The following COPE variants were observed in gnomAD, a reference collection of about 807,000 sequenced individuals.
COPE encodes coat protein complex I subunit epsilon, also known as coatomer subunit epsilon.
COPE carries 19 observed loss-of-function variants against 42.1 expected under a neutral mutation model. That is an observed-to-expected ratio of 0.45 (90% confidence interval 0.31 to 0.66). The LOEUF (loss-of-function observed/expected upper bound fraction) is 0.66, where lower values mean the gene tolerates loss of function less well. Ranked by LOEUF, COPE falls within the 30% of genes least tolerant of loss-of-function variation. The probability of loss-of-function intolerance (pLI) is 0.05; values close to 1 mark genes in which losing one functional copy is unlikely to be tolerated. For synonymous variants in COPE, 195 were observed against 181.3 expected (o/e 1.08, Z -0.60); for missense variants, 402 against 416.1 (o/e 0.97, Z 0.30).
chr19:18,916,579 G>A (rs561380397), intron 1 of COPE, among the ~76,000 whole-genome samples: 1 of 151,788 alleles, frequency 6.6e-6, no homozygotes, highest in South Asian at 2.1e-4. Context: ...CATGAGGTCA[G>A]GAGTTACAGA....
rs1323960582 is a variant in COPE at position 18,913,036 on chromosome 19, G to A, written c.137C>T (p.Pro46Leu). ...GACGTCCCTCTCCACGTCTCTCTCT[G>A]GGCTTGATAGCTGTGGGAACCAATG... Reference protein sequence around the residue: ...NEAQRVKLSSPERDVERDVFL... With the variant: ...NEAQRVKLSSLERDVERDVFL... The change falls in exon 2 of 10, where the codon CCA becomes CTA. Residue 46 changes from proline to leucine, a missense_variant. Coordinates refer to ENST00000262812, the MANE Select transcript of COPE (RefSeq NM_007263.4). 2 of 1,611,480 alleles carry A rather than the reference G, an allele frequency of 1.2e-6. No homozygotes were observed. The highest frequency in any genetic ancestry group is 1.7e-6 in the Non-Finnish European group (2 of 1,179,868).
intron 2 of COPE, among the ~76,000 whole-genome samples, chr19:18,912,388 T>G (rs1387664940): frequency 1.3e-5 from 2 of 151,638 alleles, no homozygotes; most frequent in East Asian, 3.9e-4. Context: ...TGGCTTCAAG[T>G]GATCCTCCCA....
Position 18,899,724 on chromosome 19 carries a change from C to T in COPE, c.882G>A (p.Glu294=). Residue 294 remains glutamate (E), a splice_region_variant and synonymous_variant, in exon 10 of 10, where the codon GAG becomes GAA. Transcript: ENST00000262812. ...GTAGCACCAGCCTGTCAAAGTCGTT[C>T]TCCTTTAGCAAGACACATGGCAACA... ...HPFIKEYQAK[E]NDFDRLVLQY... is the part of the protein sequence containing the mutation. 6.2e-7 allele frequency: 1 copy of T among 1,613,796 alleles called. No homozygotes were observed. The highest frequency in any genetic ancestry group is 8.5e-7 in the Non-Finnish European group (1 of 1,179,976).
chr19:18,919,039 A>C (rs1328586488), intron 1 of COPE, among the ~76,000 whole-genome samples, 184 bp downstream of exon 1: 1 of 152,272 alleles, frequency 6.6e-6, no homozygotes, highest in Non-Finnish European at 1.5e-5. Flanking sequence ...GCAGTACCGT[A>C]AACTGTTACT....
intron 6 of COPE, among the ~76,000 whole-genome samples, chr19:18,904,029 G>C (rs989690513): frequency 1.3e-5 from 2 of 152,172 alleles, no homozygotes; most frequent in African/African-American, 2.4e-5. Context: ...GCACTGGCGC[G>C]ATCTTGGCTC....
rs1430089041 is a variant in COPE, at chr19:18,900,325, C to G, written c.804+56G>C. 1.1e-5 allele frequency: 15 copies of G among 1,426,166 alleles called. No homozygotes were observed. The East Asian group carries it at 2.3e-4, about 21-fold the overall frequency. The allele number at this position is 1,426,166 out of a possible 1,614,324, so 88.3% of individuals were successfully genotyped here. On this transcript the variant is annotated intron_variant, in intron 8 of 9. Transcript: ENST00000262812. ...TAGGGATTAGGGCCTGGACCCCAGG[C>G]TGGGGTCCCAGGGTCTGGACATTAG...
At chr19:18,903,201 C>T (rs888703299) in intron 7 of COPE, 67 bp downstream of exon 7, 15 of 1,470,484 alleles carry the variant, frequency 1.0e-5, no homozygotes, top group African/African-American at 1.4e-5. Context: ...TTTCTGTCCG[C>T]CCTGACCCCA....
chr19:18,911,168 C>T, intron 2 of COPE, 97 bp from the exon 3 acceptor site: 2 of 1,047,460 alleles, frequency 1.9e-6, no homozygotes, highest in Non-Finnish European at 3.0e-6. Flanking sequence ...AAGTCCCTGC[C>T]CCACCAGGGA....
intron 1 of COPE, among the ~76,000 whole-genome samples, chr19:18,916,903 A>G (rs913921381): frequency 6.9e-6 from 1 of 145,130 alleles, no homozygotes; most frequent in Non-Finnish European, 1.5e-5. Context: ...GGAGGATGCC[A>G]CTGCACTCCA....
chr19:18,900,567 C>T (rs1348312343), intron 7 of COPE, 118 bp from the exon 8 acceptor site: 1 of 713,468 alleles, frequency 1.4e-6, no homozygotes, highest in African/African-American at 1.8e-5. Context: ...TGGGGTGGGA[C>T]TGACACCGCC....
chr19:18,910,902 C>G, intron 3 of COPE, 69 bp downstream of exon 3: 1 of 1,393,968 alleles, frequency 7.2e-7, no homozygotes, highest in South Asian at 1.2e-5. Flanking sequence ...CCCACCCACC[C>G]AGGTTCATAA....
chr19:18,909,073 G>A (rs1332373707), intron 3 of COPE, among the ~76,000 whole-genome samples: 7 of 152,220 alleles, frequency 4.6e-5, no homozygotes, highest in African/African-American at 1.4e-4. Context: ...CAATGAGGTC[G>A]CGGCTGTGCA....
In COPE at chr19:18,905,605, C is replaced by T; in HGVS notation, c.468G>A (p.Leu156=). The T allele has an allele frequency of 3.8e-6, 6 of 1,593,442 alleles. No individual in the cohort carries two copies. Among genetic ancestry groups the T allele is most frequent in the Non-Finnish European group, 5.1e-6 (6 of 1,177,580 alleles). ...LECTAMTVQI[L]LKLDRLDLAR... is the part of the protein sequence containing the mutation. Reference sequence around the variant, plus strand: ...CGAGGTCCAGGCGGTCCAGCTTCAGCAGGATCTGCACTGTCATGGCTGTGC... The same window carrying T: ...CGAGGTCCAGGCGGTCCAGCTTCAGTAGGATCTGCACTGTCATGGCTGTGC... Residue 156 remains leucine, a synonymous_variant, in exon 5 of 10, where the codon CTG becomes CTA. Transcript: ENST00000262812.
At chr19:18,903,236 C>T in intron 7 of COPE, 32 bp downstream of exon 7, 3 of 1,535,210 alleles carry the variant, frequency 2.0e-6, no homozygotes, top group Non-Finnish European at 2.6e-6. Context: ...GGCCTTCCCT[C>T]CGTCCCCACT....
chr19:18,917,169 C>CT (rs1334457427), intron 1 of COPE, among the ~76,000 whole-genome samples: 41 of 141,310 alleles, frequency 2.9e-4, no homozygotes, highest in Admixed American at 3.6e-4. Context: ...CTCCCTCTGC[C>CT]TTTTTTTTTT....
At chr19:18,906,588 C>T (rs1601220180) in intron 4 of COPE, 1 of 196,142 alleles carries the variant, frequency 5.1e-6, no homozygotes, top group East Asian at 1.4e-4. Flanking sequence ...CCCCAGAGGG[C>T]CCTGGAGGAG....
At chr19:18,913,135 T>C in intron 1 of COPE, 89 bp from the exon 2 acceptor site, 1 of 1,141,344 alleles carries the variant, frequency 8.8e-7, no homozygotes, top group East Asian at 2.4e-5. Flanking sequence ...CCCTGTACAC[T>C]GGGGACAGGT....
At chr19:18,910,808 G>C in intron 3 of COPE, 163 bp downstream of exon 3, 1 of 641,616 alleles carries the variant, frequency 1.6e-6, no homozygotes, top group Non-Finnish European at 2.8e-6. Context: ...CTGTGCAGGT[G>C]AGGGAAACTG....
intron 1 of COPE, among the ~76,000 whole-genome samples, chr19:18,913,976 C>T (rs1481796304): frequency 2.6e-5 from 4 of 152,110 alleles, no homozygotes; most frequent in Admixed American, 2.0e-4. Context: ...GAGGGAGGAG[C>T]GTGGATGTCA....
Sources: allele counts gnomAD v4.1 joint callset (sites outside exome capture counted in the v4.1 genomes callset), GRCh38; gene constraint gnomAD v4.1.1; transcripts MANE v1.5; gene names NCBI Gene and HGNC (gene_info 2026-07-23, HGNC 2026-07-21).